AMBRA1: variants seen among roughly 807,000 people sequenced by gnomAD.
AMBRA1 encodes the protein activating molecule in BECN1-regulated autophagy protein 1.
A neutral mutation model predicts 125.4 loss-of-function variants in AMBRA1; 47 were observed. The observed-to-expected ratio is 0.37, with a 90% CI of 0.30 to 0.48. The LOEUF is 0.48. Ranked by LOEUF, AMBRA1 falls within the 20% of genes least tolerant of loss-of-function variation. The pLI, the probability that AMBRA1 is intolerant of heterozygous loss-of-function variation, is 0.99. For missense variants in AMBRA1, 1,331 were observed against 1,693.4 expected (o/e 0.79, Z 3.76); for synonymous variants, 626 against 655.5 (o/e 0.95, Z 0.69).
At chr11:46,480,797 G>T (rs1240365353) in intron 11 of AMBRA1, among the ~76,000 whole-genome samples, 1 of 152,138 alleles carries the variant, frequency 6.6e-6, no homozygotes, top group East Asian at 1.9e-4. Flanking sequence ...TTCAAGGAAG[G>T]ACTACCTTTT....
intron 9 of AMBRA1, among the ~76,000 whole-genome samples, chr11:46,501,971 T>C (rs907991929): frequency 5.9e-5 from 9 of 152,228 alleles, no homozygotes; most frequent in Non-Finnish European, 1.2e-4. Flanking sequence ...AAGACCCTAT[T>C]TTAAGACTTA....
intron 1 of AMBRA1, among the ~76,000 whole-genome samples, chr11:46,571,830 C>T (rs2043770610): frequency 6.6e-6 from 1 of 151,370 alleles, no homozygotes; most frequent in African/African-American, 2.4e-5. Context: ...GCTGGGACTA[C>T]AGGAGCGCAC....
chr11:46,524,788 G>C (rs1231370092), intron 7 of AMBRA1, among the ~76,000 whole-genome samples: 1 of 152,140 alleles, frequency 6.6e-6, no homozygotes, highest in African/African-American at 2.4e-5. Flanking sequence ...TGCCTAAAAA[G>C]GTACTTTGTC....
chr11:46,565,121 G>A (rs1006236907), intron 1 of AMBRA1, among the ~76,000 whole-genome samples: 7 of 151,704 alleles, frequency 4.6e-5, no homozygotes, highest in Admixed American at 3.3e-4. Context: ...GCTGGGCATG[G>A]TGGCATTCGC....
rs143876835 is a variant in AMBRA1 at position 46,411,493 on chromosome 11, G to C, written c.3117-1125C>G. On this transcript the variant is annotated intron_variant, in intron 15 of 17. Coordinates refer to ENST00000683756, the MANE Select transcript of AMBRA1 (RefSeq NM_001387011.1). ...CAAATCTGCCTTTTTTTCTGAGATG[G>C]AGTCTCACTCTGATGCCCAGGCTGG... is the stretch of plus-strand genomic sequence containing the variant. 9.8e-3 allele frequency among the ~76,000 whole-genome samples: 1,499 copies of C among 152,286 alleles called. 15 individuals carry two copies. Among genetic ancestry groups the C allele is most frequent in the Non-Finnish European group, 0.014 (977 of 68,016 alleles).
intron 9 of AMBRA1, among the ~76,000 whole-genome samples, chr11:46,504,934 C>T (rs928533601): frequency 6.6e-6 from 1 of 152,302 alleles, no homozygotes; most frequent in Admixed American, 6.5e-5. Flanking sequence ...TGAGTAATGG[C>T]TCCCTTGGTT....
chr11:46,433,710 T>C (rs1400486004), intron 13 of AMBRA1, 82 bp from the exon 14 acceptor site: 1 of 1,428,964 alleles, frequency 7.0e-7, no homozygotes, highest in African/African-American at 1.4e-5. Context: ...CTCTTGTCTT[T>C]TTCTCTAATC....
At chr11:46,454,912 C>T (rs1209576431) in intron 11 of AMBRA1, among the ~76,000 whole-genome samples, 1 of 134,550 alleles carries the variant, frequency 7.4e-6, no homozygotes, top group Non-Finnish European at 1.5e-5. Flanking sequence ...TGGGTTCTTG[C>T]TGTGATGCCC....
In AMBRA1 at chr11:46,542,676, C is replaced by A; in HGVS notation, c.1341G>T (p.Leu447Phe). ...PPRTSASSVS[L>F]LSVLRQQEGG... is the part of the protein sequence containing the mutation. ...CTTCCTGCTGTCTCAGCACAGACAG[C>A]AAACTCACCGAAGAGGCACTGGTTC... Residue 447 changes from leucine to phenylalanine, a missense_variant, in exon 7 of 18, where the codon TTG (leucine) becomes TTT (phenylalanine). Leu to Phe is a conservative substitution (Grantham distance 22). Transcript: ENST00000683756. The surrounding 1 kb of genome is among the most constrained non-coding windows in gnomAD (Gnocchi z 5.9). 1 of 1,614,194 alleles carries A rather than the reference C, an allele frequency of 6.2e-7. No homozygotes were observed. The highest frequency in any genetic ancestry group is 2.2e-5 in the East Asian group (1 of 44,886).
chr11:46,416,757 A>G (rs886644259), intron 15 of AMBRA1, among the ~76,000 whole-genome samples: 10 of 152,210 alleles, frequency 6.6e-5, no homozygotes, highest in Non-Finnish European at 1.5e-4. Flanking sequence ...GGTCAACATG[A>G]GGACAGCCTG....
chr11:46,427,172 T>C (rs1947181758), intron 14 of AMBRA1, among the ~76,000 whole-genome samples: 1 of 152,188 alleles, frequency 6.6e-6, no homozygotes, highest in African/African-American at 2.4e-5. Flanking sequence ...AGAGCCTATA[T>C]TTGTGAAGTT....
intron 8 of AMBRA1, among the ~76,000 whole-genome samples, chr11:46,510,715 CA>C (rs1951224519): frequency 1.3e-5 from 2 of 152,126 alleles, no homozygotes; most frequent in African/African-American, 4.8e-5. Flanking sequence ...TTATTAAATA[CA>C]AGTATATCCT....
In AMBRA1 at chr11:46,544,021, A is replaced by G. The variant is rs371672704; in HGVS notation, c.572T>C (p.Leu191Pro). 1.2e-6 allele frequency: 2 copies of G among 1,614,022 alleles called. No individual in the cohort carries two copies. The highest frequency in any genetic ancestry group is 1.1e-5 in the South Asian group (1 of 91,072). Reference sequence around the variant, plus strand: ...AATTGCTGTGAGTAAGTAGTGTCCAAGTGGATCAAATCTCACCAGACTAAA... The same window carrying G: ...AATTGCTGTGAGTAAGTAGTGTCCAGGTGGATCAAATCTCACCAGACTAAA... ...ERVRLVRFDPLGHYLLTAIVN... is the reference protein window; with the variant it reads ...ERVRLVRFDPPGHYLLTAIVN... Residue 191 changes from leucine to proline, a missense_variant, in exon 6 of 18, where the codon CTT (leucine) becomes CCT (proline). Coordinates refer to ENST00000683756, the MANE Select transcript of AMBRA1 (RefSeq NM_001387011.1).
chr11:46,490,073 AC>A (rs1950408258), intron 11 of AMBRA1, among the ~76,000 whole-genome samples: 2 of 152,258 alleles, frequency 1.3e-5, no homozygotes, highest in African/African-American at 4.8e-5. Context: ...GAAAGACAGT[AC>A]CTGGTCCACG....
At chr11:46,408,399 C>A (rs1946127553) in intron 17 of AMBRA1, 114 bp downstream of exon 17, 1 of 1,177,778 alleles carries the variant, frequency 8.5e-7, no homozygotes, top group South Asian at 2.4e-5. Flanking sequence ...CTCTTAATGC[C>A]ACCAGGTGGG....
At chr11:46,579,539 T>A (rs2044099030) in intron 1 of AMBRA1, among the ~76,000 whole-genome samples, 1 of 152,132 alleles carries the variant, frequency 6.6e-6, no homozygotes, top group South Asian at 2.1e-4. Flanking sequence ...AGAGAATCAT[T>A]ACTCTCACCA....
intron 11 of AMBRA1, among the ~76,000 whole-genome samples, chr11:46,470,632 T>C (rs1231949732): frequency 2.0e-5 from 3 of 147,858 alleles, no homozygotes; most frequent in Non-Finnish European, 4.5e-5. Context: ...TGTGGCACCA[T>C]GGGCCTGCGG....
In AMBRA1 at chr11:46,547,793, A is replaced by G; in HGVS notation, c.194+24T>C. 4.4e-6 allele frequency: 7 copies of G among 1,599,390 alleles called. No homozygotes were observed. In the South Asian group the frequency reaches 7.9e-5, roughly 18 times the overall value. On this transcript the variant is annotated intron_variant, in intron 3 of 17. Transcript: ENST00000683756. ...AGAAAGCACTGTTATCACAAATCTT[A>G]AGTTATAGATAAATACTGAGTACCT...
chr11:46,553,761 A>C (rs566923328), intron 1 of AMBRA1, among the ~76,000 whole-genome samples: 89 of 152,004 alleles, frequency 5.9e-4, no homozygotes, highest in African/African-American at 2.0e-3. Context: ...AAAACACAAA[A>C]ACAAAAACAA....
Sources: allele counts gnomAD v4.1 joint callset (sites outside exome capture counted in the v4.1 genomes callset), GRCh38; gene constraint gnomAD v4.1.1; non-coding constraint Gnocchi (gnomAD v3.1); transcripts MANE v1.5; gene names NCBI Gene and HGNC (gene_info 2026-07-23, HGNC 2026-07-21).